The following BCAR3 variants were observed in gnomAD, a reference collection of about 807,000 sequenced individuals.
BCAR3 encodes the protein BCAR3 adaptor protein, NSP family member.
A neutral mutation model predicts 80.1 loss-of-function variants in BCAR3; 37 were observed. That is an observed-to-expected ratio of 0.46 (90% CI 0.36 to 0.61). The LOEUF (loss-of-function observed/expected upper bound fraction) is 0.61. Among genes scored for constraint, BCAR3 ranks in the 20% least tolerant of loss-of-function variants. The pLI is 0.00. For synonymous variants in BCAR3, 389 were observed against 418.9 expected (o/e 0.93, Z 0.87); for missense variants, 978 against 1,068.2 (o/e 0.92, Z 1.18).
chr1:93,674,630 C>T lies in BCAR3; in HGVS notation c.301G>A (p.Glu101Lys), dbSNP rs370899092. The T allele has an allele frequency of 1.7e-5, 27 of 1,613,000 alleles. No individual in the cohort carries two copies. Among genetic ancestry groups the T allele is most frequent in the Middle Eastern group, 1.7e-4 (1 of 5,894 alleles). The change falls in exon 2 of 12, where the codon GAA (glutamate) becomes AAA (lysine). Residue 101 changes from glutamate (E) to lysine (K), a missense_variant. Transcript: ENST00000260502. ...QESPWQDRHG[E>K]TFTFRDPHLL... ...AGAAGTTACCTGAAGGTGAAGGTTTCGCCGTGCCGGTCCTGCCATGGGCTC... is the reference window on the plus strand; with the variant it reads ...AGAAGTTACCTGAAGGTGAAGGTTTTGCCGTGCCGGTCCTGCCATGGGCTC...
intron 2 of BCAR3, among the ~76,000 whole-genome samples, chr1:93,773,160 C>T (rs956528326): frequency 6.6e-6 from 1 of 152,126 alleles, no homozygotes; most frequent in Non-Finnish European, 1.5e-5. Context: ...ACCCTACGTC[C>T]CTTTCTCATG....
chr1:93,841,872 T>C (rs1557706924), intron 2 of BCAR3, among the ~76,000 whole-genome samples: 1 of 152,192 alleles, frequency 6.6e-6, no homozygotes, highest in East Asian at 1.9e-4. Context: ...TTTTAAACAC[T>C]GTGCACTGAA....
At chr1:93,576,491 A>G (rs532528616) in intron 7 of BCAR3, among the ~76,000 whole-genome samples, 2 of 152,318 alleles carry the variant, frequency 1.3e-5, no homozygotes, top group South Asian at 4.1e-4. Flanking sequence ...GCAAGGCTGC[A>G]TGTGTTCGGA....
intron 2 of BCAR3, among the ~76,000 whole-genome samples, chr1:93,745,497 T>A (rs1651323058): frequency 6.6e-6 from 1 of 151,304 alleles, no homozygotes; most frequent in Admixed American, 6.6e-5. Flanking sequence ...ATCAAGATGC[T>A]TTTATCTTTC....
At chr1:93,672,099 C>T (rs1372845614) in intron 2 of BCAR3, among the ~76,000 whole-genome samples, 1 of 152,164 alleles carries the variant, frequency 6.6e-6, no homozygotes, top group Non-Finnish European at 1.5e-5. Context: ...CAATCATAAA[C>T]AAACCCTAAA....
intron 7 of BCAR3, among the ~76,000 whole-genome samples, chr1:93,577,370 C>T (rs1176846032): frequency 1.3e-5 from 2 of 152,096 alleles, no homozygotes; most frequent in East Asian, 1.9e-4. Flanking sequence ...CTAACCCTAC[C>T]CTGTAACTTC....
chr1:93,753,246 C>T (rs1425043279), intron 2 of BCAR3: 1 of 152,160 alleles, frequency 6.6e-6, no homozygotes, highest in Non-Finnish European at 1.5e-5. Context: ...CATGTGTTTC[C>T]AAGCGGTGTT....
At chr1:93,673,951 G>A (rs775562484) in intron 2 of BCAR3, among the ~76,000 whole-genome samples, 3 of 152,222 alleles carry the variant, frequency 2.0e-5, no homozygotes, top group Admixed American at 6.5e-5. Context: ...AAGAGAGGAA[G>A]CTGGATTTTA....
At chr1:93,764,169 C>T (rs977006825) in intron 2 of BCAR3, among the ~76,000 whole-genome samples, 10 of 152,046 alleles carry the variant, frequency 6.6e-5, no homozygotes, top group Non-Finnish European at 1.2e-4. Flanking sequence ...ATCACAGCCC[C>T]TGCCCTCCTC....
intron 2 of BCAR3, chr1:93,845,473 T>G (rs1269148094): frequency 6.0e-4 from 1 of 1,670 alleles, no homozygotes; most frequent in Non-Finnish European, 1.2e-3. Flanking sequence ...TATATATATA[T>G]ATATATATAT....
chr1:93,563,878 GA>G (rs753093332), intron 11 of BCAR3, among the ~76,000 whole-genome samples: 6 of 152,034 alleles, frequency 3.9e-5, no homozygotes, highest in Non-Finnish European at 8.8e-5. Flanking sequence ...ATTTTCAGTA[GA>G]GACGGGGTTT....
intron 2 of BCAR3, among the ~76,000 whole-genome samples, chr1:93,666,201 T>C (rs1285233056): frequency 6.6e-6 from 1 of 152,168 alleles, no homozygotes; most frequent in African/African-American, 2.4e-5. Flanking sequence ...CTGAAGTCCT[T>C]ACCCAAATCT....
Position 93,562,381 on chromosome 1 carries a change from T to C in BCAR3, c.2338A>G (p.Thr780Ala). ...PDEEMNEICK[T>A]EFQMRLLWGS... ...CATAGCAATCGCATTTGAAATTCAG[T>C]CTTGCAGATTTCATTCATTTCTTCA... is the stretch of plus-strand genomic sequence containing the variant. Residue 780 changes from threonine to alanine, a missense_variant, in exon 12 of 12, where the codon ACT becomes GCT. Thr to Ala is a moderately conservative substitution (Grantham distance 58, BLOSUM62 0). Coordinates refer to ENST00000260502, the MANE Select transcript of BCAR3 (RefSeq NM_003567.4). 6.2e-7 allele frequency: 1 copy of C among 1,614,056 alleles called. No homozygotes were observed.
chr1:93,635,205 ATGAGACCCTG>A (rs1271159882), intron 3 of BCAR3, among the ~76,000 whole-genome samples: 1 of 152,058 alleles, frequency 6.6e-6, no homozygotes, highest in African/African-American at 2.4e-5. Context: ...GGGCAACAGA[ATGAGACCCTG>A]TTTCTTAAAA....
At chr1:93,782,147 C>T (rs958494516) in intron 2 of BCAR3, among the ~76,000 whole-genome samples, 2 of 152,126 alleles carry the variant, frequency 1.3e-5, no homozygotes, top group African/African-American at 2.4e-5. Flanking sequence ...GAATGATTTC[C>T]CTGGATGGAG....
chr1:93,801,560 A>C (rs1009088113), intron 2 of BCAR3, among the ~76,000 whole-genome samples: 1 of 152,220 alleles, frequency 6.6e-6, no homozygotes, highest in African/African-American at 2.4e-5. Flanking sequence ...ACATTGCTGG[A>C]CTTTAGACCA....
chr1:93,800,575 CTAAATAAA>C (rs3068793), intron 2 of BCAR3, among the ~76,000 whole-genome samples: 17 of 150,602 alleles, frequency 1.1e-4, no homozygotes, highest in Middle Eastern at 3.4e-3. Context: ...GACTCTGTCT[CTAAATAAA>C]TAAATAAATA....
intron 2 of BCAR3, among the ~76,000 whole-genome samples, chr1:93,724,814 G>C (rs1395043405): frequency 6.6e-6 from 1 of 152,214 alleles, no homozygotes; most frequent in African/African-American, 2.4e-5. Flanking sequence ...GATGGGGCTG[G>C]TGGAGGTGTC....
intron 3 of BCAR3, among the ~76,000 whole-genome samples, chr1:93,695,969 C>T (rs1259233761): frequency 6.6e-6 from 1 of 152,122 alleles, no homozygotes; most frequent in Non-Finnish European, 1.5e-5. Context: ...ATATCCAGGT[C>T]CTGCACTTGG....
Sources: allele counts gnomAD v4.1 joint callset (sites outside exome capture counted in the v4.1 genomes callset), GRCh38; gene constraint gnomAD v4.1.1; transcripts MANE v1.5; gene names NCBI Gene and HGNC (gene_info 2026-07-23, HGNC 2026-07-21).